Variants in SERPINA5 observed in about 807,000 individuals in gnomAD.
The protein encoded by SERPINA5 is plasma serine protease inhibitor.
A neutral mutation model predicts 25.3 loss-of-function variants in SERPINA5; 25 were observed. The ratio of observed to expected loss-of-function variants is 0.99; its 90% CI spans 0.72 to 1.38. The LOEUF is 1.38. Ranked by LOEUF, SERPINA5 falls within the 40% of genes most tolerant of loss-of-function variation. SERPINA5 has a pLI of 0.00. For missense variants in SERPINA5, 599 were observed against 509.5 expected, an observed-to-expected ratio of 1.18 and a Z score of -1.69; for synonymous variants, 234 against 206.2, an observed-to-expected ratio of 1.14 and a Z score of -1.16.
rs1333965125 is a variant in SERPINA5 at position 94,587,403 on chromosome 14, C to T, written c.41C>T (p.Pro14Leu). 2 of 1,613,526 alleles carry T rather than the reference C, an allele frequency of 1.2e-6. No individual in the cohort carries two copies. Among genetic ancestry groups the T allele is most frequent in the African/African-American group, 2.7e-5 (2 of 75,000 alleles). ...CTCTTGTGCCTGGTGCTTCTCAGCCCTCAGGGGGCCTCCCTTCACCGCCAC... is the reference window on the plus strand; with the variant it reads ...CTCTTGTGCCTGGTGCTTCTCAGCCTTCAGGGGGCCTCCCTTCACCGCCAC... ...FLLLCLVLLS[P>L]QGASLHRHHP... Residue 14 changes from proline to leucine, a missense_variant, in exon 3 of 6, where the codon CCT becomes CTT. Coordinates refer to ENST00000329597, the MANE Select transcript of SERPINA5 (RefSeq NM_000624.6).
chr14:94,587,655 A>G lies in SERPINA5; in HGVS notation c.293A>G (p.Asn98Ser), dbSNP rs1264577035. 1.2e-6 allele frequency: 2 copies of G among 1,613,878 alleles called. No homozygotes were observed. The highest frequency in any genetic ancestry group is 1.7e-5 in the Admixed American group (1 of 59,978). Reference sequence around the variant, plus strand: ...CAGATCCTGGAGGGCCTGGGCCTCAACCTCCAGAAAAGCTCAGAGAAGGAG... The same window carrying G: ...CAGATCCTGGAGGGCCTGGGCCTCAGCCTCCAGAAAAGCTCAGAGAAGGAG... ...KMQILEGLGL[N>S]LQKSSEKELH... The change falls in exon 3 of 6, where the codon AAC (asparagine) becomes AGC (serine). Residue 98 changes from asparagine (N) to serine (S), a missense_variant. By Grantham distance (46) the Asn-to-Ser change is conservative. Transcript: ENST00000329597.
intron 4 of SERPINA5, 52 bp downstream of exon 4, chr14:94,590,363 A>G (rs1885240290): frequency 1.3e-6 from 2 of 1,529,230 alleles, no homozygotes; most frequent in Non-Finnish European, 1.8e-6. Context: ...CCCCAGGGAG[A>G]CACACACGCC....
chr14:94,585,131 C>T (rs534642190), intron 2 of SERPINA5, among the ~76,000 whole-genome samples: 2 of 152,158 alleles, frequency 1.3e-5, no homozygotes, highest in East Asian at 1.9e-4. Context: ...GAGTGATAAC[C>T]GAGTCTGAGT....
In SERPINA5 at chr14:94,587,207, A is replaced by G; in HGVS notation, c.-17-139A>G. ...CCACCCTGTGTAAACCCTCATGCCCAGTCTTGCGGGTGCCATCCCTTCTCT... is the reference window on the plus strand; with the variant it reads ...CCACCCTGTGTAAACCCTCATGCCCGGTCTTGCGGGTGCCATCCCTTCTCT... On this transcript the variant is annotated intron_variant, in intron 2 of 5. Transcript: ENST00000329597. The G allele has an allele frequency of 7.9e-6, 6 of 756,328 alleles. No individual in the cohort carries two copies. In the South Asian group the frequency reaches 1.1e-4, roughly 14 times the overall value. The allele number at this position is 756,328 out of a possible 1,614,324, so 46.9% of individuals were successfully genotyped here. A position where few individuals can be genotyped will look rare whatever the true frequency, so the allele number is the denominator to read the frequency against.
intron 2 of SERPINA5, 23 bp downstream of exon 2, chr14:94,581,733 C>T (rs1884924348): frequency 6.6e-6 from 1 of 152,144 alleles, no homozygotes. Context: ...TAATTACACC[C>T]TCTGGATGGT....
intron 2 of SERPINA5, among the ~76,000 whole-genome samples, chr14:94,584,912 C>T (rs1885026066): frequency 6.6e-6 from 1 of 152,194 alleles, no homozygotes. Context: ...AAAGCACCCA[C>T]CTATGTCCTT....
In SERPINA5 at chr14:94,587,597, C is replaced by G; in HGVS notation, c.235C>G (p.Leu79Val). ...PVSISMSLAMLSLGAGSSTKM... is the reference protein window; with the variant it reads ...PVSISMSLAMVSLGAGSSTKM... ...GAGCATCTCCATGAGCCTGGCCATGCTCTCCCTGGGGGCTGGGTCCAGCAC... is the reference window on the plus strand; with the variant it reads ...GAGCATCTCCATGAGCCTGGCCATGGTCTCCCTGGGGGCTGGGTCCAGCAC... Residue 79 changes from leucine to valine, a missense_variant, in exon 3 of 6, where the codon CTC becomes GTC. Transcript: ENST00000329597. 2 of 1,614,056 alleles carry G rather than the reference C, an allele frequency of 1.2e-6. No homozygotes were observed. The highest frequency in any genetic ancestry group is 8.5e-7 in the Non-Finnish European group (1 of 1,179,952).
rs368877014 is a variant in SERPINA5, at chr14:94,592,053, G to T, written c.1039-4G>T. On this transcript the variant is annotated splice_region_variant and splice_polypyrimidine_tract_variant and intron_variant, in intron 5 of 5. Coordinates refer to ENST00000329597, the MANE Select transcript of SERPINA5 (RefSeq NM_000624.6). Reference sequence around the variant, plus strand: ...CCTGGTGATGCCTGGTGTCTCCCCTGCAGATGGTGCACAAAGCTGTGGTGG... The same window carrying T: ...CCTGGTGATGCCTGGTGTCTCCCCTTCAGATGGTGCACAAAGCTGTGGTGG... 21 of 1,610,962 alleles carry T rather than the reference G, an allele frequency of 1.3e-5. No individual in the cohort carries two copies. Among genetic ancestry groups the T allele is most frequent in the Non-Finnish European group, 1.5e-5 (18 of 1,178,484 alleles).
At chr14:94,590,964 C>T in intron 5 of SERPINA5, 68 bp downstream of exon 5, 3 of 1,475,344 alleles carry the variant, frequency 2.0e-6, no homozygotes, top group Non-Finnish European at 1.8e-6. Flanking sequence ...CTATTCTACT[C>T]TACCCCATTT....
intron 3 of SERPINA5, among the ~76,000 whole-genome samples, chr14:94,588,844 G>A (rs1464843749): frequency 6.6e-6 from 1 of 152,176 alleles, no homozygotes; most frequent in Non-Finnish European, 1.5e-5. Flanking sequence ...CTTGCTGGAA[G>A]GAGGAAGGCA....
intron 2 of SERPINA5, among the ~76,000 whole-genome samples, chr14:94,585,871 C>A (rs1885065115): frequency 6.6e-6 from 1 of 151,964 alleles, no homozygotes; most frequent in South Asian, 2.1e-4. Context: ...CCAGAAACTG[C>A]CATGCCTACT....
chr14:94,592,227 G>A lies in SERPINA5; in HGVS notation c.1209G>A (p.Val403=), dbSNP rs1222207468. 6 of 1,613,370 alleles carry A rather than the reference G, an allele frequency of 3.7e-6. No homozygotes were observed. Among genetic ancestry groups the A allele is most frequent in the Non-Finnish European group, 5.1e-6 (6 of 1,179,472 alleles). ...VDNNILFLGK[V]NRP The stretch of plus-strand genomic sequence containing the variant: ...ACAACATCCTCTTCCTTGGCAAAGT[G>A]AACCGCCCCTGAGGTGGGGCTTCTC... The change falls in exon 6 of 6, where the codon GTG becomes GTA. Residue 403 remains valine, a synonymous_variant. Transcript: ENST00000329597.
chr14:94,592,443 A>T lies in SERPINA5; in HGVS notation c.*204A>T, dbSNP rs894342168. 5.5e-6 allele frequency: 3 copies of T among 545,552 alleles called. No homozygotes were observed. The highest frequency in any genetic ancestry group is 6.4e-6 in the Non-Finnish European group (2 of 313,348). 33.8% of individuals were successfully genotyped at this position (545,552 alleles called of 1,614,324 possible). On this transcript the variant is annotated 3_prime_UTR_variant, in exon 6 of 6. Coordinates refer to ENST00000329597, the MANE Select transcript of SERPINA5 (RefSeq NM_000624.6). ...CCTTGGGGAAATGTGGAGAACATTC[A>T]ATCTTGCCGTCACTATTCATCAATG...
intron 2 of SERPINA5, among the ~76,000 whole-genome samples, chr14:94,582,819 G>A (rs1884956075): frequency 6.6e-6 from 1 of 152,220 alleles, no homozygotes; most frequent in Non-Finnish European, 1.5e-5. Flanking sequence ...AATTGAAAGA[G>A]CTTTGAGAGA....
chr14:94,590,609 A>G (rs973348846), intron 4 of SERPINA5, 140 bp from the exon 5 acceptor site: 4 of 1,013,972 alleles, frequency 3.9e-6, no homozygotes, highest in Non-Finnish European at 4.2e-6. Flanking sequence ...AGGAGCCATA[A>G]CCACCATTGT....
intron 3 of SERPINA5, among the ~76,000 whole-genome samples, chr14:94,588,370 C>T (rs958253165): frequency 6.6e-6 from 1 of 152,176 alleles, no homozygotes; most frequent in Non-Finnish European, 1.5e-5. Flanking sequence ...ATTTCCCAGT[C>T]CCCCGTATCC....
At chr14:94,589,434 C>T (rs1032105469) in intron 3 of SERPINA5, among the ~76,000 whole-genome samples, 11 of 148,698 alleles carry the variant, frequency 7.4e-5, no homozygotes, top group South Asian at 2.1e-4. Flanking sequence ...GGTCACAGAG[C>T]GAGACTCCAT....
At chr14:94,587,209 T>C in intron 2 of SERPINA5, 137 bp from the exon 3 acceptor site, 1 of 774,792 alleles carries the variant, frequency 1.3e-6, no homozygotes, top group Non-Finnish European at 2.1e-6. Context: ...TCATGCCCAG[T>C]CTTGCGGGTG....
At chr14:94,583,229 G>T (rs1180141827) in intron 2 of SERPINA5, among the ~76,000 whole-genome samples, 1 of 152,222 alleles carries the variant, frequency 6.6e-6, no homozygotes, top group Non-Finnish European at 1.5e-5. Context: ...GATTGAAGGA[G>T]ATTCTTTTAT....
Sources: allele counts gnomAD v4.1 joint callset (sites outside exome capture counted in the v4.1 genomes callset), GRCh38; gene constraint gnomAD v4.1.1; transcripts MANE v1.5; gene names NCBI Gene and HGNC (gene_info 2026-07-23, HGNC 2026-07-21).